The following DNAH6 variants were observed in gnomAD, a reference collection of about 807,000 sequenced individuals.
DNAH6 encodes the protein axonemal beta dynein heavy chain 6.
In DNAH6, 340 loss-of-function variants were observed where a neutral mutation model predicts 491.4. That is an observed-to-expected ratio of 0.69 (90% confidence interval 0.63 to 0.76). DNAH6 has a LOEUF of 0.76. Among genes scored for constraint, DNAH6 ranks in the 30% least tolerant of loss-of-function variants. The pLI is 0.00. For synonymous variants in DNAH6, 1,603 were observed against 1,686.1 expected (o/e 0.95, Z 1.21); for missense variants, 4,443 against 4,972.2 (o/e 0.89, Z 3.20).
chr2:84,639,973 G>A (rs1315631138), intron 31 of DNAH6, among the ~76,000 whole-genome samples: 1 of 152,180 alleles, frequency 6.6e-6, no homozygotes, highest in African/African-American at 2.4e-5. Flanking sequence ...AAAGGCAGAG[G>A]AGAGGCTGAC....
At position 84,624,357 on chromosome 2, in the gene DNAH6, A is replaced by G; in HGVS notation, c.4164A>G (p.Ala1388=). The change falls in exon 27 of 77, where the codon GCA becomes GCG. Residue 1388 remains alanine, a synonymous_variant. Transcript: ENST00000389394. ...CATTGATTACTATTGATGTGCATGCAAGAGATATAGTCACTGAACTTGTTC... is the reference window on the plus strand; with the variant it reads ...CATTGATTACTATTGATGTGCATGCGAGAGATATAGTCACTGAACTTGTTC... ...LTALITIDVH[A]RDIVTELVQS... 1 of 1,551,306 alleles carries G rather than the reference A, an allele frequency of 6.4e-7. No homozygotes were observed. The highest frequency in any genetic ancestry group is 8.7e-7 in the Non-Finnish European group (1 of 1,146,818).
intron 29 of DNAH6, among the ~76,000 whole-genome samples, chr2:84,633,335 C>T (rs541493833): frequency 2.0e-5 from 3 of 152,238 alleles, no homozygotes; most frequent in East Asian, 1.9e-4. Context: ...AGATCTCCCC[C>T]TTTGCTTATG....
chr2:84,517,778 A>T (rs1274888321), intron 1 of DNAH6, 41 bp from the exon 2 acceptor site: 1 of 1,463,938 alleles, frequency 6.8e-7, no homozygotes, highest in African/African-American at 1.4e-5. Flanking sequence ...AATCCTTTTG[A>T]TCTACTTTTC....
At chr2:84,579,801 C>T in intron 14 of DNAH6, 122 bp downstream of exon 14, 1 of 812,700 alleles carries the variant, frequency 1.2e-6, no homozygotes, top group Non-Finnish European at 1.8e-6. Flanking sequence ...GAAACACTTT[C>T]AAAGTAAGTG....
At chr2:84,805,152 G>T (rs763849529) in intron 70 of DNAH6, among the ~76,000 whole-genome samples, 11 of 152,136 alleles carry the variant, frequency 7.2e-5, no homozygotes, top group Non-Finnish European at 1.5e-4. Flanking sequence ...CATTTACATT[G>T]TTGCTCAACA....
intron 26 of DNAH6, 25 bp from the exon 27 acceptor site, chr2:84,624,240 C>A: frequency 6.6e-7 from 1 of 1,523,994 alleles, no homozygotes; most frequent in Non-Finnish European, 8.8e-7. Flanking sequence ...GGAAAATTCA[C>A]CATGACAATT....
chr2:84,780,902 T>G (rs1003866905), intron 64 of DNAH6, among the ~76,000 whole-genome samples: 1 of 152,216 alleles, frequency 6.6e-6, no homozygotes, highest in African/African-American at 2.4e-5. Context: ...TTCTTAGTTG[T>G]AGCTAGTTTC....
rs73946004 is a variant in DNAH6 at position 84,784,652 on chromosome 2, G to T, written c.10865-70G>T. On this transcript the variant is annotated intron_variant, in intron 65 of 76. Transcript: ENST00000389394. ...TTTTTCCTTCTCTAGAAATAATCATGTCTTATAGAAAAGTGCTACTACCAA... is the reference window on the plus strand; with the variant it reads ...TTTTTCCTTCTCTAGAAATAATCATTTCTTATAGAAAAGTGCTACTACCAA... The T allele has an allele frequency of 0.033, 30,365 of 915,086 alleles. 686 individuals carry two copies. Among genetic ancestry groups the T allele is most frequent in the Middle Eastern group, 0.068 (237 of 3,490 alleles). The allele number at this position is 915,086 out of a possible 1,614,324, so 56.7% of individuals were successfully genotyped here.
Position 84,634,651 on chromosome 2 carries a change from TGGGCA to T in DNAH6, c.4653+11_4653+15del. On this transcript the variant is annotated intron_variant, in intron 30 of 76. Transcript: ENST00000389394. ...CGCCAAAGCGGCAAAGGTAAGGCAC[TGGGCA>T]ATCGACTTTCAAGGTAGCAATCCTT... is the stretch of plus-strand genomic sequence containing the variant. The T allele has an allele frequency of 6.7e-7, 1 of 1,503,610 alleles. No homozygotes were observed. Among genetic ancestry groups the T allele is most frequent in the Non-Finnish European group, 8.9e-7 (1 of 1,128,038 alleles). The allele number at this position is 1,503,610 out of a possible 1,614,324, so 93.1% of individuals were successfully genotyped here.
At chr2:84,585,036 A>T (rs936783246) in intron 15 of DNAH6, among the ~76,000 whole-genome samples, 1 of 152,208 alleles carries the variant, frequency 6.6e-6, no homozygotes, top group African/African-American at 2.4e-5. Context: ...AGATTACAGT[A>T]TACCTTTACA....
intron 46 of DNAH6, among the ~76,000 whole-genome samples, chr2:84,694,721 T>C (rs796602642): frequency 5.9e-5 from 9 of 152,372 alleles, no homozygotes; most frequent in African/African-American, 2.2e-4. Context: ...GTTTTTAACT[T>C]TTCTTTGAGG....
chr2:84,619,578 G>A, intron 23 of DNAH6, 107 bp from the exon 24 acceptor site: 2 of 986,338 alleles, frequency 2.0e-6, no homozygotes, highest in South Asian at 3.2e-5. Flanking sequence ...GGAGGTCCAG[G>A]AAATTGGTGG....
chr2:84,765,644 T>G (rs1675007246), intron 64 of DNAH6, among the ~76,000 whole-genome samples: 1 of 152,026 alleles, frequency 6.6e-6, no homozygotes, highest in African/African-American at 2.4e-5. Flanking sequence ...AATATTTCCA[T>G]CCAAAAGCAG....
At chr2:84,643,616 C>T (rs1325213962) in intron 33 of DNAH6, among the ~76,000 whole-genome samples, 2 of 152,148 alleles carry the variant, frequency 1.3e-5, no homozygotes, top group Admixed American at 6.5e-5. Flanking sequence ...TATCCTCAAG[C>T]TCAGAGATAC....
At chr2:84,773,674 A>G (rs1053177954) in intron 64 of DNAH6, among the ~76,000 whole-genome samples, 4 of 152,016 alleles carry the variant, frequency 2.6e-5, no homozygotes, top group African/African-American at 4.8e-5. Context: ...ATTAGTTTAC[A>G]TTGTGAACAA....
chr2:84,496,776 A>G, the DNAH6 span, among the ~76,000 whole-genome samples: 1 of 152,184 alleles, frequency 6.6e-6, no homozygotes, highest in Non-Finnish European at 1.5e-5. Flanking sequence ...GTACACATTT[A>G]TATACCCATG....
chr2:84,667,516 G>A (rs1438359571), intron 37 of DNAH6, among the ~76,000 whole-genome samples: 1 of 152,150 alleles, frequency 6.6e-6, no homozygotes, highest in African/African-American at 2.4e-5. Context: ...ATCATCACTG[G>A]CCATCAGACA....
chr2:84,476,176 A>G, the DNAH6 span, among the ~76,000 whole-genome samples: 1 of 152,356 alleles, frequency 6.6e-6, no homozygotes, highest in African/African-American at 2.4e-5. Flanking sequence ...CAAAAGGAGA[A>G]TTTGGCCCAT....
At chr2:84,511,072 G>T in the DNAH6 span, among the ~76,000 whole-genome samples, 3 of 152,186 alleles carry the variant, frequency 2.0e-5, no homozygotes, top group Non-Finnish European at 1.5e-5. Context: ...CCAGCTGTGT[G>T]CTGGGAGAAC....
Sources: gnomAD v4.1 joint callset for allele counts (sites outside exome capture counted in the v4.1 genomes callset) on GRCh38, gnomAD v4.1.1 for gene constraint, MANE v1.5 for transcripts, NCBI Gene and HGNC (gene_info 2026-07-23, HGNC 2026-07-21) for gene names.